Variants in CTNNA3 observed in about 807,000 individuals in gnomAD.
The protein encoded by CTNNA3 is catenin alpha 3.
Under a neutral mutation model 95.7 loss-of-function variants are expected in CTNNA3, and 76 were observed. The ratio of observed to expected loss-of-function variants is 0.79; its 90% CI spans 0.66 to 0.96. CTNNA3 has a LOEUF of 0.96. CTNNA3 is among the 40% of genes least tolerant of loss of function. The probability of loss-of-function intolerance (pLI) is 0.00; values close to 1 mark genes in which losing one functional copy is unlikely to be tolerated. For synonymous variants in CTNNA3, 431 were observed against 374.4 expected (o/e 1.15, Z -1.74); for missense variants, 1,191 against 1,089.8 (o/e 1.09, Z -1.31).
rs180998294 is a variant in CTNNA3 at position 67,242,179 on chromosome 10, G to C, written c.580-22309C>G. Among the ~76,000 whole-genome samples, 28 of 152,250 alleles carry C rather than the reference G, an allele frequency of 1.8e-4. No homozygotes were observed. The East Asian group carries it at 5.0e-3, about 27-fold the overall frequency. On this transcript the variant is annotated intron_variant, in intron 5 of 17. Coordinates refer to ENST00000433211, the MANE Select transcript of CTNNA3 (RefSeq NM_013266.4). Reference sequence around the variant, plus strand: ...TTCCTGAATTCAGTTTTAGAACAAGGCTGATACAAAAACCTCAGGTCAAAA... The same window carrying C: ...TTCCTGAATTCAGTTTTAGAACAAGCCTGATACAAAAACCTCAGGTCAAAA...
chr10:66,674,061 G>A (rs1248538010), intron 9 of CTNNA3, among the ~76,000 whole-genome samples: 2 of 151,826 alleles, frequency 1.3e-5, no homozygotes, highest in African/African-American at 4.8e-5. Flanking sequence ...TAGCTCAAGA[G>A]AGTATCTTCT....
intron 15 of CTNNA3, among the ~76,000 whole-genome samples, chr10:66,030,982 A>C (rs2133456159): frequency 6.6e-6 from 1 of 152,334 alleles, no homozygotes; most frequent in East Asian, 1.9e-4. Context: ...ATGCAAATTA[A>C]AACCACAATA....
chr10:66,079,751 T>C (rs1200617087), intron 14 of CTNNA3, among the ~76,000 whole-genome samples: 1 of 152,004 alleles, frequency 6.6e-6, no homozygotes, highest in African/African-American at 2.4e-5. Context: ...ATAAATATGC[T>C]AATTATAGCT....
intron 13 of CTNNA3, among the ~76,000 whole-genome samples, chr10:66,192,379 T>C (rs889419332): frequency 1.3e-5 from 2 of 152,166 alleles, no homozygotes; most frequent in Non-Finnish European, 2.9e-5. Context: ...AATATTTGAG[T>C]GCTACAGAAT....
At chr10:67,273,399 A>C (rs974150315) in intron 5 of CTNNA3, among the ~76,000 whole-genome samples, 1 of 152,166 alleles carries the variant, frequency 6.6e-6, no homozygotes, top group African/African-American at 2.4e-5. Flanking sequence ...GGGAATGCAA[A>C]TTAAACCACC....
At chr10:66,256,054 C>T (rs1203217725) in intron 13 of CTNNA3, among the ~76,000 whole-genome samples, 1 of 152,150 alleles carries the variant, frequency 6.6e-6, no homozygotes, top group Non-Finnish European at 1.5e-5. Context: ...CAACTGGCAA[C>T]ACCAGGCCAC....
intron 13 of CTNNA3, among the ~76,000 whole-genome samples, chr10:66,126,837 T>C (rs1463186335): frequency 2.0e-5 from 3 of 152,098 alleles, no homozygotes; most frequent in African/African-American, 4.8e-5. Context: ...CATATACAAA[T>C]ATACCCTGAA....
intron 17 of CTNNA3, among the ~76,000 whole-genome samples, chr10:65,948,769 T>C (rs996516875): frequency 3.3e-5 from 5 of 152,226 alleles, no homozygotes. Context: ...ATGTTACCAT[T>C]TGTTATTCAA....
intron 5 of CTNNA3, among the ~76,000 whole-genome samples, chr10:67,519,258 A>T (rs1357883679): frequency 6.6e-6 from 1 of 152,176 alleles, no homozygotes; most frequent in Non-Finnish European, 1.5e-5. Flanking sequence ...TGATGTTAAA[A>T]ATATCATAGA....
At chr10:66,700,882 A>G (rs536188975) in intron 9 of CTNNA3, among the ~76,000 whole-genome samples, 1 of 152,308 alleles carries the variant, frequency 6.6e-6, no homozygotes, top group African/African-American at 2.4e-5. Flanking sequence ...AAAGTAATAT[A>G]ATCTGCTTAT....
rs534197899 is a variant in CTNNA3 at position 67,721,308 on chromosome 10, T to A, written c.-2+42126A>T. Among the ~76,000 whole-genome samples, 6 of 152,250 alleles carry A rather than the reference T, an allele frequency of 3.9e-5. No homozygotes were observed. In the South Asian group the frequency reaches 1.2e-3, roughly 32 times the overall value. On this transcript the variant is annotated intron_variant, in intron 1 of 17. Coordinates refer to the CTNNA3 transcript ENST00000684154. The stretch of plus-strand genomic sequence containing the variant: ...TTCAGGTACACCAATCAAACTTAGG[T>A]TTGGTCTTTTCACATGGTCCCATAT...
rs77834479 is a variant in CTNNA3, at chr10:66,126,659, T to C, written c.1885-23410A>G. 3.2e-3 allele frequency among the ~76,000 whole-genome samples: 489 copies of C among 152,144 alleles called. 3 individuals carry two copies. The highest frequency in any genetic ancestry group is 0.011 in the African/African-American group (448 of 41,530). ...AAAAAATAAGGAAGAACTAAAAAAT[T>C]TAAATCTGCAAGTACACACTGAAAG... On this transcript the variant is annotated intron_variant, in intron 13 of 17. Transcript: ENST00000433211.
chr10:67,328,414 A>G (rs1357240055), intron 5 of CTNNA3, among the ~76,000 whole-genome samples: 1 of 152,218 alleles, frequency 6.6e-6, no homozygotes, highest in African/African-American at 2.4e-5. Flanking sequence ...ACCACCCTGC[A>G]GAGTTCAGGA....
chr10:66,042,583 G>A (rs1009857259), intron 15 of CTNNA3, among the ~76,000 whole-genome samples: 1 of 151,906 alleles, frequency 6.6e-6, no homozygotes, highest in Non-Finnish European at 1.5e-5. Context: ...GTTGAATGGA[G>A]AAATAGAAGT....
At chr10:67,523,611 G>T (rs182299611) in intron 4 of CTNNA3, among the ~76,000 whole-genome samples, 1 of 152,138 alleles carries the variant, frequency 6.6e-6, no homozygotes, top group Non-Finnish European at 1.5e-5. Context: ...TGACACTGAC[G>T]GAGGGACTCA....
At chr10:65,935,426 C>A (rs2077322010) in intron 17 of CTNNA3, among the ~76,000 whole-genome samples, 1 of 151,848 alleles carries the variant, frequency 6.6e-6, no homozygotes. Context: ...GGTTATTATG[C>A]CTTGATTTAT....
At chr10:67,222,136 T>TATA (rs1174138026) in intron 5 of CTNNA3, among the ~76,000 whole-genome samples, 2 of 152,212 alleles carry the variant, frequency 1.3e-5, no homozygotes, top group African/African-American at 4.8e-5. Context: ...TGTGCTACTA[T>TATA]ATTTTTAGTT....
At chr10:67,314,290 C>T (rs2132534324) in intron 5 of CTNNA3, among the ~76,000 whole-genome samples, 2 of 152,272 alleles carry the variant, frequency 1.3e-5, no homozygotes, top group Non-Finnish European at 2.9e-5. Context: ...GTCATTTTCG[C>T]ATGACTATCT....
chr10:67,190,058 G>A (rs538957734), intron 6 of CTNNA3, among the ~76,000 whole-genome samples: 1 of 151,976 alleles, frequency 6.6e-6, no homozygotes, highest in African/African-American at 2.4e-5. Flanking sequence ...TTTCTTTTTG[G>A]TTGTAGCCTA....
Sources: allele counts gnomAD v4.1 joint callset (sites outside exome capture counted in the v4.1 genomes callset), GRCh38; gene constraint gnomAD v4.1.1; transcripts MANE v1.5; gene names NCBI Gene and HGNC (gene_info 2026-07-23, HGNC 2026-07-21).